Variants in CHRM3 observed in about 807,000 individuals in gnomAD.
CHRM3 encodes cholinergic receptor muscarinic 3.
CHRM3 carries 11 observed loss-of-function variants against 41.8 expected under a neutral mutation model. The ratio of observed to expected loss-of-function variants is 0.26; its 90% confidence interval spans 0.17 to 0.44. The LOEUF (loss-of-function observed/expected upper bound fraction) is 0.44, where lower values mean the gene tolerates loss of function less well. Among genes scored for constraint, CHRM3 ranks in the 20% least tolerant of loss-of-function variants. The pLI, the probability that CHRM3 is intolerant of heterozygous loss-of-function variation, is 1.00. For missense variants in CHRM3, 571 were observed against 745.4 expected (o/e 0.77, Z 2.72); for synonymous variants, 297 against 301.4 (o/e 0.99, Z 0.15).
At chr1:239,873,412 A>C (rs564786257) in intron 6 of CHRM3, among the ~76,000 whole-genome samples, 1 of 152,094 alleles carries the variant, frequency 6.6e-6, no homozygotes, top group Non-Finnish European at 1.5e-5. Flanking sequence ...GCAAGTTTTT[A>C]TACACATGCC....
At chr1:239,460,926 T>G (rs1665309399) in intron 1 of CHRM3, among the ~76,000 whole-genome samples, 1 of 152,212 alleles carries the variant, frequency 6.6e-6, no homozygotes, top group South Asian at 2.1e-4. Context: ...AGAGACATTG[T>G]GTGAAGTAAT....
intron 3 of CHRM3, chr1:239,629,055 G>T (rs1238896459): frequency 1.2e-5 from 1 of 82,864 alleles, no homozygotes; most frequent in African/African-American, 5.3e-5. Flanking sequence ...TGGCTGCTTT[G>T]TTTACCTAAG....
intron 3 of CHRM3, among the ~76,000 whole-genome samples, chr1:239,572,170 G>T (rs1661888482): frequency 6.6e-6 from 1 of 152,162 alleles, no homozygotes; most frequent in Non-Finnish European, 1.5e-5. Context: ...TTCCATATAT[G>T]CAGGGGAATC....
intron 5 of CHRM3, among the ~76,000 whole-genome samples, chr1:239,708,841 T>G (rs1184741011): frequency 6.6e-6 from 1 of 151,052 alleles, no homozygotes; most frequent in Non-Finnish European, 1.5e-5. Flanking sequence ...ACATTTGTCT[T>G]TTTCTCTTTT....
intron 3 of CHRM3, among the ~76,000 whole-genome samples, chr1:239,622,076 T>C (rs1375414382): frequency 6.6e-6 from 1 of 152,162 alleles, no homozygotes; most frequent in African/African-American, 2.4e-5. Context: ...GCTCTATAAA[T>C]GGAATAACAA....
chr1:239,654,607 C>T (rs1219970993), intron 4 of CHRM3, among the ~76,000 whole-genome samples: 7 of 152,064 alleles, frequency 4.6e-5, no homozygotes, highest in South Asian at 4.1e-4. Flanking sequence ...CCATGTGGGC[C>T]GGGAAAGTCT....
chr1:239,551,821 T>A (rs917563326), intron 3 of CHRM3, among the ~76,000 whole-genome samples: 1 of 152,166 alleles, frequency 6.6e-6, no homozygotes, highest in African/African-American at 2.4e-5. Context: ...CACAGATGGC[T>A]GTAGATAGGT....
chr1:239,478,396 C>T (rs907306066), intron 1 of CHRM3, among the ~76,000 whole-genome samples: 1 of 152,134 alleles, frequency 6.6e-6, no homozygotes, highest in African/African-American at 2.4e-5. Context: ...GCAGCAATGA[C>T]TTTGATCATC....
chr1:239,761,883 C>G (rs912012765), intron 5 of CHRM3, among the ~76,000 whole-genome samples: 1 of 152,140 alleles, frequency 6.6e-6, no homozygotes, highest in Non-Finnish European at 1.5e-5. Context: ...CTGACTCTAG[C>G]CCCCTTAGCC....
Position 239,611,147 on chromosome 1 carries a change from T to G in CHRM3, c.-312-21077T>G, listed in dbSNP as rs547171762. 1.4e-4 allele frequency among the ~76,000 whole-genome samples: 22 copies of G among 152,284 alleles called. No homozygotes were observed. The East Asian group carries it at 3.1e-3, about 21-fold the overall frequency. On this transcript the variant is annotated intron_variant, in intron 3 of 6. Coordinates refer to ENST00000676153, the MANE Select transcript of CHRM3 (RefSeq NM_001375978.1). ...CTTAATTTTCCTCCTCCAATGAACCTTTGTACAAATAAATAAATAAATTTG... is the reference window on the plus strand; with the variant it reads ...CTTAATTTTCCTCCTCCAATGAACCGTTGTACAAATAAATAAATAAATTTG...
chr1:239,835,222 T>C (rs1673213737), intron 6 of CHRM3, among the ~76,000 whole-genome samples: 1 of 152,246 alleles, frequency 6.6e-6, no homozygotes, highest in South Asian at 2.1e-4. Context: ...AGATCTTCAG[T>C]CTTTCCGGAT....
chr1:239,702,180 T>C (rs1660745863), intron 5 of CHRM3, among the ~76,000 whole-genome samples: 1 of 152,116 alleles, frequency 6.6e-6, no homozygotes, highest in Non-Finnish European at 1.5e-5. Flanking sequence ...TTATTTACCT[T>C]TTAAAGGAAG....
intron 3 of CHRM3, among the ~76,000 whole-genome samples, chr1:239,608,842 A>G (rs1368280282): frequency 6.6e-6 from 1 of 152,212 alleles, no homozygotes; most frequent in Non-Finnish European, 1.5e-5. Context: ...TATTATATAT[A>G]ACAATTCAAT....
intron 1 of CHRM3, among the ~76,000 whole-genome samples, chr1:239,401,386 T>G (rs2102979485): frequency 6.6e-6 from 1 of 152,312 alleles, no homozygotes; most frequent in African/African-American, 2.4e-5. Context: ...CTATGGAACG[T>G]TTGACTTGAC....
chr1:239,864,066 G>T (rs12060918), intron 6 of CHRM3, among the ~76,000 whole-genome samples: 1 of 148,868 alleles, frequency 6.7e-6, no homozygotes, highest in Non-Finnish European at 1.5e-5. Flanking sequence ...AATTCAGTCC[G>T]TTCTTGATTT....
At chr1:239,867,468 A>G (rs1406604988) in intron 6 of CHRM3, among the ~76,000 whole-genome samples, 1 of 152,122 alleles carries the variant, frequency 6.6e-6, no homozygotes, top group African/African-American at 2.4e-5. Flanking sequence ...CGGGCAGATC[A>G]TTTGAGGTCA....
At chr1:239,525,373 C>G (rs1669924817) in intron 2 of CHRM3, among the ~76,000 whole-genome samples, 2 of 152,200 alleles carry the variant, frequency 1.3e-5, no homozygotes. Flanking sequence ...ATTTACTTCC[C>G]TAGCACATGA....
intron 5 of CHRM3, among the ~76,000 whole-genome samples, chr1:239,740,146 C>A (rs530665378): frequency 6.6e-6 from 1 of 152,072 alleles, no homozygotes; most frequent in African/African-American, 2.4e-5. Context: ...ATACAACCTT[C>A]CACTTCCTGT....
chr1:239,790,192 C>G (rs902215197), intron 5 of CHRM3, among the ~76,000 whole-genome samples: 2 of 152,036 alleles, frequency 1.3e-5, no homozygotes, highest in Non-Finnish European at 2.9e-5. Context: ...TGTGGACTTT[C>G]GGGTTAATGC....
Sources: gnomAD v4.1 joint callset for allele counts (sites outside exome capture counted in the v4.1 genomes callset) on GRCh38, gnomAD v4.1.1 for gene constraint, MANE v1.5 for transcripts, NCBI Gene and HGNC (gene_info 2026-07-23, HGNC 2026-07-21) for gene names.